The following FBXW12 variants were observed in gnomAD, a reference collection of about 807,000 sequenced individuals.
FBXW12 encodes the protein F-box and WD repeat domain containing 12.
In FBXW12, 43 loss-of-function variants were observed where a neutral mutation model predicts 55.3. The ratio of observed to expected loss-of-function variants is 0.78; its 90% CI spans 0.61 to 1.00. The LOEUF (loss-of-function observed/expected upper bound fraction) is 1.00. Among genes scored for constraint, FBXW12 ranks in the 50% least tolerant of loss-of-function variants. FBXW12 has a pLI of 0.00. For missense variants in FBXW12, 524 were observed against 560.5 expected, an observed-to-expected ratio of 0.93 and a Z score of 0.66; for synonymous variants, 184 against 203.8, an observed-to-expected ratio of 0.90 and a Z score of 0.83.
At chr3:48,389,422 A>G (rs2036890919) in intron 10 of FBXW12, among the ~76,000 whole-genome samples, 1 of 152,146 alleles carries the variant, frequency 6.6e-6, no homozygotes, top group African/African-American at 2.4e-5. Flanking sequence ...TCTGTCACGT[A>G]GGCTGGAGTA....
At chr3:48,391,375 C>A (rs945764267) in intron 10 of FBXW12, among the ~76,000 whole-genome samples, 1 of 150,528 alleles carries the variant, frequency 6.6e-6, no homozygotes. Context: ...TAAAATCAAT[C>A]ATATTGTCAT....
At chr3:48,390,529 G>A (rs1011091400) in intron 10 of FBXW12, among the ~76,000 whole-genome samples, 3 of 147,510 alleles carry the variant, frequency 2.0e-5, no homozygotes, top group South Asian at 2.1e-4. Context: ...ATCCCCCTGC[G>A]TCAGCCTCCC....
Position 48,382,987 on chromosome 3 carries a change from G to A in FBXW12, c.1295+902G>A, listed in dbSNP as rs141209784. ...ACAGCATTTGTGATAGTCAAGAGCT[G>A]GAAGCTCCCTAAGTGTCCAAACATA... On this transcript the variant is annotated intron_variant, in intron 10 of 10. Transcript: ENST00000296438. Among the ~76,000 whole-genome samples the A allele has an allele frequency of 3.1e-4, 47 of 152,290 alleles. 2 individuals carry two copies. The East Asian group carries it at 8.1e-3, about 26-fold the overall frequency.
At chr3:48,382,111 A>G in intron 10 of FBXW12, 26 bp downstream of exon 10, 5 of 1,611,480 alleles carry the variant, frequency 3.1e-6, no homozygotes, top group Non-Finnish European at 4.2e-6. Context: ...TGATGTAAAC[A>G]TCCCCTAAAC....
At chr3:48,394,469 T>G in intron 10 of FBXW12, 91 bp from the exon 11 acceptor site, 1 of 749,588 alleles carries the variant, frequency 1.3e-6, no homozygotes, top group South Asian at 1.6e-5. Flanking sequence ...TGGAAAGTAT[T>G]GATATCTTAG....
At chr3:48,372,651 A>C in intron 1 of FBXW12, 33 bp from the exon 2 acceptor site, 1 of 1,591,146 alleles carries the variant, frequency 6.3e-7, no homozygotes, top group Non-Finnish European at 8.6e-7. Flanking sequence ...TTTCTACCGC[A>C]CACAGATGGG....
intron 5 of FBXW12, among the ~76,000 whole-genome samples, chr3:48,375,800 A>C (rs1484199410): frequency 6.7e-6 from 1 of 150,306 alleles, no homozygotes; most frequent in Non-Finnish European, 1.5e-5. Context: ...TCAGCTTCCC[A>C]AGTAGCTGGG....
At position 48,372,886 on chromosome 3, in the gene FBXW12, C is replaced by A. The variant is rs779200743; in HGVS notation, c.90+29C>A. On this transcript the variant is annotated intron_variant, in intron 2 of 10. Coordinates refer to ENST00000296438, the MANE Select transcript of FBXW12 (RefSeq NM_207102.2). ...AAGGCCTTCCACCTCCCACTGCCCC[C>A]CAAGCCCGCTGCTTCTCTCGACCAG... 1.6e-5 allele frequency: 25 copies of A among 1,599,298 alleles called. No individual in the cohort carries two copies. The South Asian group carries it at 2.2e-4, about 14-fold the overall frequency.
intron 10 of FBXW12, among the ~76,000 whole-genome samples, chr3:48,385,321 G>A (rs2036832012): frequency 6.6e-6 from 1 of 150,938 alleles, no homozygotes; most frequent in Admixed American, 6.6e-5. Flanking sequence ...TCTTTTCTAA[G>A]GCTAAATGGT....
At chr3:48,381,926 T>C in intron 9 of FBXW12, 29 bp from the exon 10 acceptor site, 2 of 1,613,754 alleles carry the variant, frequency 1.2e-6, no homozygotes, top group Middle Eastern at 1.7e-4. Context: ...TTTGACTCCT[T>C]GGCCACTCAC....
intron 10 of FBXW12, among the ~76,000 whole-genome samples, chr3:48,388,589 T>C (rs191424967): frequency 1.1e-3 from 165 of 152,360 alleles, no homozygotes; most frequent in Admixed American, 2.8e-3. Flanking sequence ...TTTTGGTTAA[T>C]ATTTGCATGT....
At chr3:48,379,697 T>A in intron 7 of FBXW12, 139 bp downstream of exon 7, 1 of 686,644 alleles carries the variant, frequency 1.5e-6, no homozygotes. Context: ...GAATCCATTG[T>A]GATGGTCAGG....
chr3:48,375,133 A>G (rs1404189342), intron 4 of FBXW12, among the ~76,000 whole-genome samples: 2 of 152,280 alleles, frequency 1.3e-5, no homozygotes, highest in East Asian at 1.9e-4. Flanking sequence ...ATATCTATGG[A>G]AACTGAGGAT....
chr3:48,384,389 C>T (rs537448627), intron 10 of FBXW12, among the ~76,000 whole-genome samples: 2 of 152,194 alleles, frequency 1.3e-5, no homozygotes, highest in South Asian at 2.1e-4. Flanking sequence ...ACCTTGTATC[C>T]CGCAACCTTG....
At chr3:48,382,956 T>C (rs200266360) in intron 10 of FBXW12, among the ~76,000 whole-genome samples, 2 of 152,350 alleles carry the variant, frequency 1.3e-5, no homozygotes, top group South Asian at 2.1e-4. Context: ...ACATTGGCTG[T>C]TCATTACAGC....
chr3:48,373,254 C>T (rs1303177854), intron 2 of FBXW12, 54 bp from the exon 3 acceptor site: 1 of 1,613,744 alleles, frequency 6.2e-7, no homozygotes, highest in Non-Finnish European at 8.5e-7. Flanking sequence ...GAGGATTACC[C>T]TTGCTCTCTG....
intron 1 of FBXW12, among the ~76,000 whole-genome samples, 179 bp downstream of exon 1, chr3:48,372,499 A>G (rs2036616497): frequency 6.6e-6 from 1 of 152,232 alleles, no homozygotes; most frequent in Admixed American, 6.5e-5. Flanking sequence ...CTCACAGCGC[A>G]CAGGTGTTGC....
chr3:48,380,954 T>A, intron 8 of FBXW12, 42 bp downstream of exon 8: 6 of 1,516,398 alleles, frequency 4.0e-6, no homozygotes, highest in Non-Finnish European at 5.5e-6. Context: ...CTCTTCCTCA[T>A]CACACAGTCA....
At chr3:48,374,916 C>T (rs780656082) in intron 4 of FBXW12, among the ~76,000 whole-genome samples, 1 of 151,924 alleles carries the variant, frequency 6.6e-6, no homozygotes, top group Non-Finnish European at 1.5e-5. Flanking sequence ...ATTACAGGCA[C>T]CTGCCAACAT....
Sources: allele counts gnomAD v4.1 joint callset (sites outside exome capture counted in the v4.1 genomes callset), GRCh38; gene constraint gnomAD v4.1.1; transcripts MANE v1.5; gene names NCBI Gene and HGNC (gene_info 2026-07-23, HGNC 2026-07-21).